The following GABRG3 variants were observed in gnomAD, a reference collection of about 807,000 sequenced individuals.
The protein encoded by GABRG3 is gamma-aminobutyric acid receptor subunit gamma-3.
GABRG3 carries 25 observed loss-of-function variants against 48.8 expected under a neutral mutation model. That is an observed-to-expected ratio of 0.51 (90% CI 0.37 to 0.72). The LOEUF (loss-of-function observed/expected upper bound fraction) is 0.72. GABRG3 is among the 30% of genes least tolerant of loss of function. The probability of loss-of-function intolerance (pLI) is 0.00; values close to 1 mark genes in which losing one functional copy is unlikely to be tolerated. For synonymous variants in GABRG3, 227 were observed against 217.6 expected (o/e 1.04, Z -0.38); for missense variants, 394 against 577.9 (o/e 0.68, Z 3.26).
chr15:27,417,758 G>A (rs148498963), intron 5 of GABRG3, among the ~76,000 whole-genome samples: 34 of 152,314 alleles, frequency 2.2e-4, no homozygotes, highest in South Asian at 6.2e-4. Flanking sequence ...TCTCGTGCGA[G>A]GACTGGGCAG....
At chr15:27,340,470 G>A (rs1894132807) in intron 5 of GABRG3, 1 of 152,240 alleles carries the variant, frequency 6.6e-6, no homozygotes, top group Non-Finnish European at 1.5e-5. Context: ...CAAGCTCTCT[G>A]TTGAGTTAAA....
intron 3 of GABRG3, among the ~76,000 whole-genome samples, chr15:27,322,772 C>T (rs1893475985): frequency 6.6e-6 from 1 of 152,148 alleles, no homozygotes; most frequent in African/African-American, 2.4e-5. Flanking sequence ...CCAGACTCTG[C>T]TGCTGATGCC....
intron 3 of GABRG3, among the ~76,000 whole-genome samples, chr15:27,128,418 A>C (rs565777546): frequency 6.6e-6 from 1 of 152,274 alleles, no homozygotes; most frequent in African/African-American, 2.4e-5. Context: ...TATTTAAAAT[A>C]ATTGTCCAGA....
intron 5 of GABRG3, among the ~76,000 whole-genome samples, chr15:27,466,709 G>A (rs1889623870): frequency 6.6e-6 from 1 of 152,282 alleles, no homozygotes; most frequent in South Asian, 2.1e-4. Context: ...TTGTATCCTA[G>A]TTGGAAGCAC....
intron 3 of GABRG3, among the ~76,000 whole-genome samples, chr15:27,161,915 A>G (rs1887205134): frequency 6.6e-6 from 1 of 152,226 alleles, no homozygotes; most frequent in South Asian, 2.1e-4. Context: ...ATTGTGTGCT[A>G]CCAAATGACA....
At chr15:27,003,321 A>C (rs1048838618) in intron 2 of GABRG3, among the ~76,000 whole-genome samples, 2 of 151,498 alleles carry the variant, frequency 1.3e-5, no homozygotes, top group African/African-American at 4.8e-5. Context: ...GTCAGCAGAT[A>C]AACAAGTGAA....
At chr15:27,438,965 G>A (rs1888700054) in intron 5 of GABRG3, among the ~76,000 whole-genome samples, 1 of 152,176 alleles carries the variant, frequency 6.6e-6, no homozygotes, top group South Asian at 2.1e-4. Context: ...TTCAGACTAA[G>A]TGCTGGGAGC....
At chr15:27,113,471 A>C (rs1897589435) in intron 3 of GABRG3, among the ~76,000 whole-genome samples, 1 of 152,190 alleles carries the variant, frequency 6.6e-6, no homozygotes, top group Admixed American at 6.5e-5. Flanking sequence ...CAGAAACTGC[A>C]GTGGTGTAGT....
chr15:27,358,922 G>T (rs1049701343), intron 5 of GABRG3, among the ~76,000 whole-genome samples: 13 of 152,222 alleles, frequency 8.5e-5, no homozygotes, highest in African/African-American at 3.1e-4. Context: ...AGTGCAGAGG[G>T]CGCTTCTCCC....
intron 3 of GABRG3, among the ~76,000 whole-genome samples, chr15:27,220,313 T>G (rs943744646): frequency 6.6e-6 from 1 of 152,154 alleles, no homozygotes; most frequent in Non-Finnish European, 1.5e-5. Flanking sequence ...AAGCTTTGTC[T>G]AAAAGATTTG....
chr15:27,088,253 G>GCGCGGGGGCGGA, intron 3 of GABRG3, among the ~76,000 whole-genome samples: 1 of 128,316 alleles, frequency 7.8e-6, no homozygotes, highest in Non-Finnish European at 1.8e-5. Flanking sequence ...CTCGGGGCGG[G>GCGCGGGGGCGGA]CGCGGGGGCG....
Position 27,431,396 on chromosome 15 carries a change from G to A in GABRG3, c.575-49254G>A, listed in dbSNP as rs1176920029. 2.0e-5 allele frequency among the ~76,000 whole-genome samples: 3 copies of A among 152,048 alleles called. No individual in the cohort carries two copies. The East Asian group carries it at 5.8e-4, about 29-fold the overall frequency. On this transcript the variant is annotated intron_variant, in intron 5 of 9. Transcript: ENST00000615808. ...TGACCTTGTGAACTGCAGCTTTACT[G>A]AACTTTTTTATTCTAATCGTTTTTT...
chr15:27,522,171 A>T (rs2150862959), intron 7 of GABRG3, among the ~76,000 whole-genome samples: 1 of 152,074 alleles, frequency 6.6e-6, no homozygotes, highest in Non-Finnish European at 1.5e-5. Context: ...CTGATTCTTC[A>T]TGTGCAATAA....
intron 3 of GABRG3, among the ~76,000 whole-genome samples, chr15:27,136,525 G>A (rs1360642602): frequency 6.6e-6 from 1 of 152,058 alleles, no homozygotes; most frequent in African/African-American, 2.4e-5. Context: ...AAGTGTGAGG[G>A]CTGGGGTGAT....
Position 26,975,361 on chromosome 15 carries a change from A to T in GABRG3, c.54-1641A>T, listed in dbSNP as rs900975301. On this transcript the variant is annotated intron_variant, in intron 1 of 9. Coordinates refer to ENST00000615808, the MANE Select transcript of GABRG3 (RefSeq NM_033223.5). The surrounding 1 kb of genome is among the most constrained non-coding windows in gnomAD (Gnocchi z 4.6). ...CAACAGCAATTTATAGTTTCTATGGATGATTCAATTTAACCTTCTAGCCAA... is the reference window on the plus strand; with the variant it reads ...CAACAGCAATTTATAGTTTCTATGGTTGATTCAATTTAACCTTCTAGCCAA... Among the ~76,000 whole-genome samples, 1 of 152,192 alleles carries T rather than the reference A, an allele frequency of 6.6e-6. No homozygotes were observed. Among genetic ancestry groups the T allele is most frequent in the African/African-American group, 2.4e-5 (1 of 41,438 alleles).
chr15:27,513,802 A>C (rs1890956591), intron 6 of GABRG3, among the ~76,000 whole-genome samples: 1 of 152,222 alleles, frequency 6.6e-6, no homozygotes, highest in Non-Finnish European at 1.5e-5. Context: ...GAAGAAAGAA[A>C]AAAATTAAAA....
rs555861608 is a variant in GABRG3, at chr15:27,352,829, A to G, written c.574+23941A>G. Among the ~76,000 whole-genome samples the G allele has an allele frequency of 6.6e-6, 1 of 152,162 alleles. No individual in the cohort carries two copies. The highest frequency in any genetic ancestry group is 2.4e-5 in the African/African-American group (1 of 41,500). On this transcript the variant is annotated intron_variant, in intron 5 of 9. Transcript: ENST00000615808. The surrounding 1 kb of genome is among the most constrained non-coding windows in gnomAD (Gnocchi z 4.0). ...TGGGGCCCAGGTATAGCAACACCTA[A>G]CTCATAGGACTATGGGGGGCGTAAA...
At chr15:27,106,934 C>T (rs1007910634) in intron 3 of GABRG3, among the ~76,000 whole-genome samples, 1 of 151,982 alleles carries the variant, frequency 6.6e-6, no homozygotes, top group Non-Finnish European at 1.5e-5. Flanking sequence ...TAGTAGTCTG[C>T]CAAGGAAATA....
In GABRG3 at chr15:27,534,335, A is replaced by G. The variant is rs1301059342; in HGVS notation, c.*1454A>G. The G allele has an allele frequency of 6.6e-6, 1 of 152,174 alleles. No individual in the cohort carries two copies. The highest frequency in any genetic ancestry group is 1.5e-5 in the Non-Finnish European group (1 of 68,030). 9.4% of individuals were successfully genotyped at this position (152,174 alleles called of 1,614,324 possible). On this transcript the variant is annotated 3_prime_UTR_variant, in exon 10 of 10. Transcript: ENST00000615808. ...AAAGAAAAAATATCCCCCCAAATCA[A>G]TACTCTTTTGATATTTTTATAATAC... is the stretch of plus-strand genomic sequence containing the variant.
Sources: gnomAD v4.1 joint callset for allele counts (sites outside exome capture counted in the v4.1 genomes callset) on GRCh38, gnomAD v4.1.1 for gene constraint, Gnocchi (gnomAD v3.1) non-coding constraint, MANE v1.5 for transcripts, NCBI Gene and HGNC (gene_info 2026-07-23, HGNC 2026-07-21) for gene names.